The following ARHGEF28 variants were observed in gnomAD, a reference collection of about 807,000 sequenced individuals.
ARHGEF28 encodes the protein Rho guanine nucleotide exchange factor 28.
In ARHGEF28, 152 loss-of-function variants were observed where a neutral mutation model predicts 206.6. The ratio of observed to expected loss-of-function variants is 0.74; its 90% CI spans 0.64 to 0.84. The LOEUF is 0.84. ARHGEF28 is among the 40% of genes least tolerant of loss of function. The pLI is 0.00. For missense variants in ARHGEF28, 2,028 were observed against 2,073.2 expected (o/e 0.98, Z 0.42); for synonymous variants, 763 against 776.4 (o/e 0.98, Z 0.29).
At chr5:73,774,589 G>C (rs1753438547) in intron 5 of ARHGEF28, among the ~76,000 whole-genome samples, 1 of 152,102 alleles carries the variant, frequency 6.6e-6, no homozygotes, top group Non-Finnish European at 1.5e-5. Flanking sequence ...AGTCAATTTG[G>C]TGGTCATTAT....
intron 9 of ARHGEF28, among the ~76,000 whole-genome samples, chr5:73,805,772 A>G (rs1755399688): frequency 1.3e-5 from 2 of 152,164 alleles, no homozygotes; most frequent in Admixed American, 1.3e-4. Context: ...ATATATGTAC[A>G]TAGGTTAGGA....
intron 2 of ARHGEF28, among the ~76,000 whole-genome samples, chr5:73,723,820 C>T (rs1269360825): frequency 6.6e-6 from 1 of 152,156 alleles, no homozygotes; most frequent in Non-Finnish European, 1.5e-5. Flanking sequence ...GACTATTTAT[C>T]CATGCATTAA....
chr5:73,778,701 A>T (rs1475688226), intron 6 of ARHGEF28, among the ~76,000 whole-genome samples: 1 of 152,152 alleles, frequency 6.6e-6, no homozygotes, highest in East Asian at 1.9e-4. Context: ...TTCTTATCTA[A>T]ATTTTTTGTG....
At chr5:73,720,691 G>A (rs1170489703) in intron 2 of ARHGEF28, among the ~76,000 whole-genome samples, 1 of 152,196 alleles carries the variant, frequency 6.6e-6, no homozygotes, top group African/African-American at 2.4e-5. Flanking sequence ...GTCATGGGCT[G>A]GATGGACCAG....
chr5:73,910,082 A>G (rs1348305326), intron 34 of ARHGEF28, among the ~76,000 whole-genome samples, 185 bp downstream of exon 34: 3 of 152,156 alleles, frequency 2.0e-5, no homozygotes, highest in African/African-American at 7.2e-5. Context: ...ATTTTGACTT[A>G]AAATATGGAC....
chr5:73,634,355 C>T (rs1053699190), intron 1 of ARHGEF28, among the ~76,000 whole-genome samples: 1 of 152,118 alleles, frequency 6.6e-6, no homozygotes, highest in Non-Finnish European at 1.5e-5. Flanking sequence ...TCTATTATAT[C>T]TCTTTGTCTA....
At chr5:73,835,834 C>T in intron 10 of ARHGEF28, among the ~76,000 whole-genome samples, 1 of 152,018 alleles carries the variant, frequency 6.6e-6, no homozygotes, top group East Asian at 1.9e-4. Flanking sequence ...GGACCAGACT[C>T]CATCTCCAGG....
intron 29 of ARHGEF28, among the ~76,000 whole-genome samples, chr5:73,895,974 C>A (rs1052904663): frequency 6.6e-6 from 1 of 152,148 alleles, no homozygotes; most frequent in Non-Finnish European, 1.5e-5. Flanking sequence ...ACTGATAGAA[C>A]CCCTCATCCA....
At chr5:73,794,072 C>G (rs139422015) in intron 7 of ARHGEF28, among the ~76,000 whole-genome samples, 97 of 152,272 alleles carry the variant, frequency 6.4e-4, no homozygotes, top group African/African-American at 2.2e-3. Flanking sequence ...TTACAATCTG[C>G]TATTTTGAAG....
intron 4 of ARHGEF28, among the ~76,000 whole-genome samples, chr5:73,767,037 A>G (rs1479148781): frequency 6.6e-6 from 1 of 152,100 alleles, no homozygotes; most frequent in Non-Finnish European, 1.5e-5. Flanking sequence ...GAGTCTCATG[A>G]GATCTGATGG....
At position 73,834,132 on chromosome 5, in the gene ARHGEF28, T is replaced by G. The variant is rs547868114; in HGVS notation, c.1146+1673T>G. Among the ~76,000 whole-genome samples the G allele has an allele frequency of 2.6e-5, 4 of 152,332 alleles. No individual in the cohort carries two copies. In the South Asian group the frequency reaches 8.3e-4, roughly 32 times the overall value. Reference sequence around the variant, plus strand: ...GTAATGTTTTGATACATGTACATATTATGAGATAATTACCACAATCAAGCT... The same window carrying G: ...GTAATGTTTTGATACATGTACATATGATGAGATAATTACCACAATCAAGCT... On this transcript the variant is annotated intron_variant, in intron 10 of 35. Coordinates refer to ENST00000513042, the MANE Select transcript of ARHGEF28 (RefSeq NM_001177693.2).
At chr5:73,869,932 G>T in intron 20 of ARHGEF28, 137 bp from the exon 21 acceptor site, 1 of 1,025,142 alleles carries the variant, frequency 9.8e-7, no homozygotes, top group South Asian at 1.8e-5. Context: ...TTCACTCCAT[G>T]TTAATATGTT....
intron 9 of ARHGEF28, among the ~76,000 whole-genome samples, chr5:73,815,160 T>C (rs1756111660): frequency 1.3e-5 from 2 of 151,472 alleles, no homozygotes; most frequent in African/African-American, 2.4e-5. Flanking sequence ...GGCCATGATA[T>C]ATGTAACTTA....
intron 9 of ARHGEF28, among the ~76,000 whole-genome samples, chr5:73,817,134 A>G (rs1211621304): frequency 1.3e-5 from 2 of 152,194 alleles, no homozygotes; most frequent in African/African-American, 4.8e-5. Context: ...AAATGTTGAA[A>G]TGTTTATTCC....
At chr5:73,924,390 A>C (rs1763688735) in intron 35 of ARHGEF28, among the ~76,000 whole-genome samples, 2 of 152,188 alleles carry the variant, frequency 1.3e-5, no homozygotes, top group African/African-American at 4.8e-5. Flanking sequence ...CAGTTTCCTC[A>C]TCTCTACAGT....
rs1757008580 is a variant in ARHGEF28, at chr5:73,827,855, G to T, written c.1025-4483G>T. 2.0e-5 allele frequency among the ~76,000 whole-genome samples: 3 copies of T among 152,212 alleles called. No homozygotes were observed. The South Asian group carries it at 6.2e-4, about 32-fold the overall frequency. On this transcript the variant is annotated intron_variant, in intron 9 of 35. Coordinates refer to ENST00000513042, the MANE Select transcript of ARHGEF28 (RefSeq NM_001177693.2). ...TTAAAACAAGTAGCTGGTTCTTATT[G>T]CAAATTATTTCTATATGCTCATTGA...
At chr5:73,911,185 G>A in intron 34 of ARHGEF28, 90 bp from the exon 35 acceptor site, 1 of 1,254,282 alleles carries the variant, frequency 8.0e-7, no homozygotes, top group Non-Finnish European at 1.1e-6. Context: ...CTGAAATCTT[G>A]ATTCCTAAGA....
At chr5:73,755,733 A>G (rs1196666673) in intron 4 of ARHGEF28, among the ~76,000 whole-genome samples, 1 of 152,138 alleles carries the variant, frequency 6.6e-6, no homozygotes. Context: ...AGAGATACAT[A>G]AAAAAATAAG....
In ARHGEF28 at chr5:73,791,291, T is replaced by C. The variant is rs144596355; in HGVS notation, c.911-3111T>C. ...GAAAAAAAGATTCATTCAAAGACTA[T>C]GAACTACCCACCATGTATGCCAGAG... On this transcript the variant is annotated intron_variant, in intron 7 of 35. Coordinates refer to ENST00000513042, the MANE Select transcript of ARHGEF28 (RefSeq NM_001177693.2). Among the ~76,000 whole-genome samples, 23 of 152,326 alleles carry C rather than the reference T, an allele frequency of 1.5e-4. No homozygotes were observed. In the East Asian group the frequency reaches 2.7e-3, roughly 18 times the overall value.
Sources: gnomAD v4.1 joint callset for allele counts (sites outside exome capture counted in the v4.1 genomes callset) on GRCh38, gnomAD v4.1.1 for gene constraint, MANE v1.5 for transcripts, NCBI Gene and HGNC (gene_info 2026-07-23, HGNC 2026-07-21) for gene names.